TAFA1: variants seen among roughly 807,000 people sequenced by gnomAD.
The protein encoded by TAFA1 is TAFA chemokine like family member 1.
TAFA1 carries 4 observed loss-of-function variants against 18.5 expected under a neutral mutation model. That is an observed-to-expected ratio of 0.22 (90% CI 0.11 to 0.49). The LOEUF is 0.49. Among genes scored for constraint, TAFA1 ranks in the 20% least tolerant of loss-of-function variants. The pLI, the probability that TAFA1 is intolerant of heterozygous loss-of-function variation, is 0.98. For missense variants in TAFA1, 147 were observed against 169.0 expected, an observed-to-expected ratio of 0.87 and a Z score of 0.72; for synonymous variants, 56 against 55.2, an observed-to-expected ratio of 1.01 and a Z score of -0.06.
intron 2 of TAFA1, among the ~76,000 whole-genome samples, chr3:68,098,935 G>T (rs1214007800): frequency 6.6e-6 from 1 of 151,980 alleles, no homozygotes; most frequent in Non-Finnish European, 1.5e-5. Flanking sequence ...GATGGTGCTG[G>T]GGTAGCTGGC....
rs35696872 is a variant in TAFA1 at position 68,180,012 on chromosome 3, TTTA to T, written c.118+173298_118+173300del. Among the ~76,000 whole-genome samples the T allele has an allele frequency of 1.3e-3, 187 of 140,318 alleles. 1 individual carries two copies. The highest frequency in any genetic ancestry group is 3.4e-3 in the African/African-American group (129 of 37,912). 92.1% of individuals were successfully genotyped at this position (140,318 alleles called of 152,430 possible). A position where few individuals can be genotyped will look rare whatever the true frequency, so the allele number is the denominator to read the frequency against. The stretch of plus-strand genomic sequence containing the variant: ...TTCTTTCCTGCCTATAACACATAAT[TTTA>T]TTATTATTATTATTATTATTATTAT... On this transcript the variant is annotated intron_variant, in intron 2 of 4. Transcript: ENST00000478136.
intron 2 of TAFA1, among the ~76,000 whole-genome samples, chr3:68,056,950 C>A (rs1559719928): frequency 6.6e-6 from 1 of 152,158 alleles, no homozygotes; most frequent in Non-Finnish European, 1.5e-5. Flanking sequence ...CCATTTGTGA[C>A]CCCTGTTAAG....
chr3:68,074,822 G>T (rs1342561198), intron 2 of TAFA1, among the ~76,000 whole-genome samples: 1 of 152,168 alleles, frequency 6.6e-6, no homozygotes, highest in East Asian at 1.9e-4. Flanking sequence ...TACTTCTTGA[G>T]TCTTGAAAAA....
At chr3:68,506,089 T>C (rs926674716) in intron 3 of TAFA1, among the ~76,000 whole-genome samples, 2 of 151,954 alleles carry the variant, frequency 1.3e-5, no homozygotes, top group African/African-American at 4.8e-5. Context: ...CCCCTCTGTG[T>C]CCATGTGTTC....
Position 68,473,693 on chromosome 3 carries a change from A to G in TAFA1, c.259+56273A>G, listed in dbSNP as rs139276283. Reference sequence around the variant, plus strand: ...GCCCTCATAGGCCCAGTGCAGGCAAATAATGTCATGCAAAGGAAATGTTTT... The same window carrying G: ...GCCCTCATAGGCCCAGTGCAGGCAAGTAATGTCATGCAAAGGAAATGTTTT... On this transcript the variant is annotated intron_variant, in intron 3 of 4. Coordinates refer to ENST00000478136, the MANE Select transcript of TAFA1 (RefSeq NM_213609.4). Among the ~76,000 whole-genome samples, 543 of 152,286 alleles carry G rather than the reference A, an allele frequency of 3.6e-3. 4 individuals are homozygous for G. The highest frequency in any genetic ancestry group is 0.012 in the African/African-American group (498 of 41,558).
intron 2 of TAFA1, among the ~76,000 whole-genome samples, chr3:68,196,235 T>C (rs2066408237): frequency 6.6e-6 from 1 of 151,750 alleles, no homozygotes; most frequent in South Asian, 2.1e-4. Flanking sequence ...TCTTCAAAAG[T>C]GGTAAAATGG....
At chr3:68,143,996 T>C (rs1183807721) in intron 2 of TAFA1, among the ~76,000 whole-genome samples, 1 of 152,058 alleles carries the variant, frequency 6.6e-6, no homozygotes, top group South Asian at 2.1e-4. Flanking sequence ...TTTTTTTTTT[T>C]TCTTTTTTTA....
chr3:68,036,040 A>G (rs1013987522), intron 2 of TAFA1, among the ~76,000 whole-genome samples: 5 of 152,178 alleles, frequency 3.3e-5, no homozygotes, highest in African/African-American at 1.2e-4. Context: ...AGTCAGTGTA[A>G]GGAAATTCTG....
At chr3:68,044,246 T>G (rs1285429768) in intron 2 of TAFA1, among the ~76,000 whole-genome samples, 1 of 152,244 alleles carries the variant, frequency 6.6e-6, no homozygotes, top group Non-Finnish European at 1.5e-5. Flanking sequence ...AGTGTTACAT[T>G]TATTTTTAAT....
At chr3:68,431,147 T>A (rs1215403652) in intron 3 of TAFA1, among the ~76,000 whole-genome samples, 1 of 151,946 alleles carries the variant, frequency 6.6e-6, no homozygotes, top group Non-Finnish European at 1.5e-5. Flanking sequence ...CAGCCTTCCA[T>A]GAAATCTGGG....
chr3:68,219,269 T>G (rs561580487), intron 2 of TAFA1, among the ~76,000 whole-genome samples: 142 of 152,252 alleles, frequency 9.3e-4, no homozygotes, highest in African/African-American at 3.4e-3. Flanking sequence ...TTTTTAAAAG[T>G]ATTTTAATTT....
In TAFA1 at chr3:68,006,751, C is replaced by T. The variant is rs1334912067; in HGVS notation, c.118+7C>T. 6.3e-7 allele frequency: 1 copy of T among 1,592,108 alleles called. No individual in the cohort carries two copies. The highest frequency in any genetic ancestry group is 1.7e-5 in the Admixed American group (1 of 59,998). On this transcript the variant is annotated splice_region_variant and intron_variant, in intron 2 of 4. Coordinates refer to ENST00000478136, the MANE Select transcript of TAFA1 (RefSeq NM_213609.4). ...CATCACCTGCACAGACCAGGTAAGT[C>T]AGGAGCTGGCTCCACTGCAGCCTCC...
chr3:68,246,210 G>T (rs913508718), intron 2 of TAFA1, among the ~76,000 whole-genome samples: 1 of 151,994 alleles, frequency 6.6e-6, no homozygotes, highest in Non-Finnish European at 1.5e-5. Context: ...ACCATCCTGG[G>T]GAAACACACC....
At chr3:68,014,976 A>G (rs1232818483) in intron 2 of TAFA1, among the ~76,000 whole-genome samples, 2 of 152,104 alleles carry the variant, frequency 1.3e-5, no homozygotes, top group African/African-American at 4.8e-5. Context: ...GACTACCTCC[A>G]ACTCTAACAT....
chr3:68,020,921 C>T (rs1704674152), intron 2 of TAFA1, among the ~76,000 whole-genome samples: 1 of 151,938 alleles, frequency 6.6e-6, no homozygotes, highest in Admixed American at 6.6e-5. Flanking sequence ...AGCAGTGGCT[C>T]ACACCTGTAA....
intron 2 of TAFA1, among the ~76,000 whole-genome samples, chr3:68,346,771 C>A (rs1376297981): frequency 6.6e-6 from 1 of 152,150 alleles, no homozygotes; most frequent in African/African-American, 2.4e-5. Flanking sequence ...TAGAGTTGTT[C>A]CATATTCTTC....
intron 3 of TAFA1, among the ~76,000 whole-genome samples, chr3:68,468,867 G>A (rs1041804748): frequency 1.3e-5 from 2 of 152,168 alleles, no homozygotes; most frequent in Admixed American, 1.3e-4. Flanking sequence ...TATGTTTGCT[G>A]TCTGCATGAC....
intron 2 of TAFA1, among the ~76,000 whole-genome samples, chr3:68,268,114 A>G (rs1455233893): frequency 6.6e-6 from 1 of 152,130 alleles, no homozygotes; most frequent in East Asian, 1.9e-4. Flanking sequence ...TCAGAATCAT[A>G]CTGTTAGTCT....
At chr3:68,056,549 A>G (rs1433390719) in intron 2 of TAFA1, among the ~76,000 whole-genome samples, 1 of 152,190 alleles carries the variant, frequency 6.6e-6, no homozygotes, top group South Asian at 2.1e-4. Context: ...TACAGTGAAG[A>G]TAAGACAGCC....
Sources: gnomAD v4.1 joint callset for allele counts (sites outside exome capture counted in the v4.1 genomes callset) on GRCh38, gnomAD v4.1.1 for gene constraint, MANE v1.5 for transcripts, NCBI Gene and HGNC (gene_info 2026-07-23, HGNC 2026-07-21) for gene names.